GRM5: variants seen among roughly 807,000 people sequenced by gnomAD.
GRM5 encodes the protein metabotropic glutamate receptor 5.
GRM5 carries 19 observed loss-of-function variants against 83.1 expected under a neutral mutation model. The observed-to-expected ratio is 0.23, with a 90% CI of 0.16 to 0.34. GRM5 has a LOEUF of 0.34. Ranked by LOEUF, GRM5 falls within the 10% of genes least tolerant of loss-of-function variation. GRM5 has a pLI of 1.00. For synonymous variants in GRM5, 675 were observed against 633.6 expected (o/e 1.07, Z -0.98); for missense variants, 1,160 against 1,588.3 (o/e 0.73, Z 4.58).
intron 2 of GRM5, among the ~76,000 whole-genome samples, chr11:88,993,056 A>C: frequency 6.7e-6 from 1 of 150,236 alleles, no homozygotes; most frequent in African/African-American, 2.4e-5. Flanking sequence ...AAAAATAAAT[A>C]AAAAAAAAGA....
chr11:88,586,607 A>G (rs370551833), intron 7 of GRM5, among the ~76,000 whole-genome samples: 65 of 152,308 alleles, frequency 4.3e-4, no homozygotes, highest in African/African-American at 1.5e-3. Flanking sequence ...CAGGCTTTGG[A>G]ATAGCTGAAG....
intron 2 of GRM5, among the ~76,000 whole-genome samples, chr11:88,992,666 AC>A (rs1396172638): frequency 6.6e-6 from 1 of 151,730 alleles, no homozygotes; most frequent in Admixed American, 6.6e-5. Flanking sequence ...TCACATATAC[AC>A]CATGGAATAC....
At chr11:88,936,000 A>G (rs1233581227) in intron 2 of GRM5, among the ~76,000 whole-genome samples, 1 of 151,894 alleles carries the variant, frequency 6.6e-6, no homozygotes, top group Non-Finnish European at 1.5e-5. Flanking sequence ...CTTTTGTCAC[A>G]TATTATTCTA....
Position 88,509,152 on chromosome 11 carries a change from G to T in GRM5, c.3079C>A (p.His1027Asn). 1 of 1,539,426 alleles carries T rather than the reference G, an allele frequency of 6.5e-7. No individual in the cohort carries two copies. Among genetic ancestry groups the T allele is most frequent in the African/African-American group, 1.4e-5 (1 of 72,180 alleles). The change falls in exon 10 of 10, where the codon CAC becomes AAC. Residue 1027 changes from histidine (H) to asparagine (N), a missense_variant. Transcript: ENST00000305447. ...RSPSPISTLS[H>N]RAGSASRTDD... ...GTGCGGCTGGCCGAGCCCGCGCGGTGGCTCAGCGTGCTGATGGGCGACGGT... is the reference window on the plus strand; with the variant it reads ...GTGCGGCTGGCCGAGCCCGCGCGGTTGCTCAGCGTGCTGATGGGCGACGGT...
intron 3 of GRM5, among the ~76,000 whole-genome samples, chr11:88,733,119 C>T (rs994603369): frequency 1.3e-5 from 2 of 151,856 alleles, no homozygotes; most frequent in African/African-American, 4.8e-5. Flanking sequence ...TAGAACTCTA[C>T]CTTGTACTAT....
intron 8 of GRM5, among the ~76,000 whole-genome samples, chr11:88,536,550 C>G (rs1408779688): frequency 6.6e-6 from 1 of 152,166 alleles, no homozygotes; most frequent in Non-Finnish European, 1.5e-5. Flanking sequence ...ATCCACTCCC[C>G]CTTTGTACCA....
chr11:88,798,026 C>T (rs546316004), intron 3 of GRM5, among the ~76,000 whole-genome samples: 4 of 152,210 alleles, frequency 2.6e-5, no homozygotes, highest in African/African-American at 7.2e-5. Flanking sequence ...TCCCATGCTT[C>T]TCTCTCACTG....
At chr11:88,958,007 T>C (rs571810026) in intron 2 of GRM5, among the ~76,000 whole-genome samples, 181 of 152,126 alleles carry the variant, frequency 1.2e-3, no homozygotes, top group African/African-American at 4.3e-3. Context: ...TTTTTTATAC[T>C]ACCAAAGATT....
intron 1 of GRM5, among the ~76,000 whole-genome samples, chr11:89,062,960 G>A (rs1003061577): frequency 2.0e-5 from 3 of 152,272 alleles, no homozygotes; most frequent in Non-Finnish European, 2.9e-5. Context: ...AGGAAAGAGC[G>A]GGAGGGCTCA....
At chr11:88,992,981 G>A (rs1217746836) in intron 2 of GRM5, among the ~76,000 whole-genome samples, 7 of 151,186 alleles carry the variant, frequency 4.6e-5, no homozygotes, top group Non-Finnish European at 8.8e-5. Context: ...AAACCTGCAC[G>A]TTGTGCACAT....
intron 3 of GRM5, among the ~76,000 whole-genome samples, chr11:88,811,646 A>C (rs980599099): frequency 2.0e-5 from 3 of 152,178 alleles, no homozygotes; most frequent in Non-Finnish European, 4.4e-5. Flanking sequence ...CGGTCTCTAT[A>C]ATTTAATACC....
chr11:88,812,906 A>G (rs1943611079), intron 3 of GRM5, among the ~76,000 whole-genome samples: 1 of 152,148 alleles, frequency 6.6e-6, no homozygotes, highest in Non-Finnish European at 1.5e-5. Context: ...ACTTAAAAAA[A>G]GGCCTCTCAA....
intron 9 of GRM5, among the ~76,000 whole-genome samples, chr11:88,509,973 G>T (rs1941320389): frequency 6.6e-6 from 1 of 152,150 alleles, no homozygotes; most frequent in Admixed American, 6.5e-5. Context: ...AGGAGGGAAG[G>T]GGTAAGAGAG....
intron 1 of GRM5, among the ~76,000 whole-genome samples, chr11:89,065,286 T>TCACACACACACACA (rs71046278): frequency 1.1e-4 from 16 of 147,374 alleles, no homozygotes; most frequent in African/African-American, 3.3e-4. Flanking sequence ...TGTATTGGCA[T>TCACACACACACACA]CACACACACA....
At chr11:88,643,688 T>C (rs1258274918) in intron 4 of GRM5, among the ~76,000 whole-genome samples, 3 of 152,210 alleles carry the variant, frequency 2.0e-5, no homozygotes, top group Non-Finnish European at 4.4e-5. Flanking sequence ...TTTAATTTAA[T>C]TTTATTTGGC....
rs118007172 is a variant in GRM5 at position 88,584,789 on chromosome 11, C to T, written c.1690+5812G>A. Among the ~76,000 whole-genome samples the T allele has an allele frequency of 6.5e-3, 983 of 152,236 alleles. 4 individuals are homozygous for T. Among genetic ancestry groups the T allele is most frequent in the Non-Finnish European group, 0.012 (788 of 68,000 alleles). ...TTTTGAATATTCCTGGAGATAATCACCTTGCTTAAAACTATTCTCTCCACT... is the reference window on the plus strand; with the variant it reads ...TTTTGAATATTCCTGGAGATAATCATCTTGCTTAAAACTATTCTCTCCACT... On this transcript the variant is annotated intron_variant, in intron 7 of 9. Transcript: ENST00000305447.
At chr11:89,001,293 G>T (rs900461744) in intron 2 of GRM5, among the ~76,000 whole-genome samples, 20 of 151,980 alleles carry the variant, frequency 1.3e-4, no homozygotes, top group Non-Finnish European at 1.5e-5. Context: ...AGAATTATTT[G>T]TCATAATCAA....
chr11:88,619,536 T>C (rs951577420), intron 4 of GRM5, among the ~76,000 whole-genome samples: 16 of 152,186 alleles, frequency 1.1e-4, no homozygotes, highest in Non-Finnish European at 1.9e-4. Context: ...CCAAGAGGAC[T>C]TCCCTAAAGT....
chr11:88,782,525 A>C (rs1233073013), intron 3 of GRM5, among the ~76,000 whole-genome samples: 1 of 152,138 alleles, frequency 6.6e-6, no homozygotes, highest in East Asian at 1.9e-4. Context: ...ACACATGGGA[A>C]TTCATGATGA....
Sources: gnomAD v4.1 joint callset for allele counts (sites outside exome capture counted in the v4.1 genomes callset) on GRCh38, gnomAD v4.1.1 for gene constraint, MANE v1.5 for transcripts, NCBI Gene and HGNC (gene_info 2026-07-23, HGNC 2026-07-21) for gene names.